Variants in KLHL29 observed in about 807,000 individuals in gnomAD.
KLHL29 encodes the protein kelch like family member 29.
In KLHL29, 21 loss-of-function variants were observed where a neutral mutation model predicts 80.4. That is an observed-to-expected ratio of 0.26 (90% CI 0.19 to 0.38). KLHL29 has a LOEUF of 0.38. KLHL29 is among the 10% of genes least tolerant of loss of function. The pLI is 1.00. For synonymous variants in KLHL29, 511 were observed against 526.8 expected (o/e 0.97, Z 0.41); for missense variants, 867 against 1,223.9 (o/e 0.71, Z 4.35).
intron 1 of KLHL29, among the ~76,000 whole-genome samples, chr2:23,417,315 G>T (rs1667000368): frequency 6.6e-6 from 1 of 152,210 alleles, no homozygotes; most frequent in Non-Finnish European, 1.5e-5. Flanking sequence ...ATGGCTTAGA[G>T]ATCTCATTTG....
chr2:23,452,711 G>T (rs191064633), intron 1 of KLHL29, among the ~76,000 whole-genome samples: 4 of 152,148 alleles, frequency 2.6e-5, no homozygotes, highest in African/African-American at 9.7e-5. Context: ...ATACAGCAGT[G>T]CATTTACATT....
At chr2:23,683,849 T>C (rs1237818857) in intron 5 of KLHL29, among the ~76,000 whole-genome samples, 1 of 152,072 alleles carries the variant, frequency 6.6e-6, no homozygotes. Flanking sequence ...AGGCCTCCCA[T>C]GGCCCCCTCC....
chr2:23,592,712 G>A (rs1668299134), intron 3 of KLHL29, among the ~76,000 whole-genome samples: 1 of 152,202 alleles, frequency 6.6e-6, no homozygotes, highest in African/African-American at 2.4e-5. Flanking sequence ...AGAACCAAGA[G>A]CTTGCAATGA....
At chr2:23,574,260 C>T (rs959568372) in intron 3 of KLHL29, among the ~76,000 whole-genome samples, 2 of 152,108 alleles carry the variant, frequency 1.3e-5, no homozygotes, top group Non-Finnish European at 2.9e-5. Flanking sequence ...GAAGGAGAGA[C>T]CCTATTTGAG....
intron 12 of KLHL29, 140 bp from the exon 13 acceptor site, chr2:23,703,578 GC>G: frequency 8.6e-7 from 1 of 1,167,544 alleles, no homozygotes; most frequent in Non-Finnish European, 1.2e-6. Context: ...GTTCCCCTAG[GC>G]CCCGGACCCA....
At chr2:23,428,053 G>A (rs1376990922) in intron 1 of KLHL29, among the ~76,000 whole-genome samples, 1 of 152,190 alleles carries the variant, frequency 6.6e-6, no homozygotes, top group East Asian at 1.9e-4. Context: ...TTTCTTGATT[G>A]GTGTCGAAAT....
chr2:23,656,540 G>A (rs528474363), intron 5 of KLHL29, among the ~76,000 whole-genome samples: 61 of 152,356 alleles, frequency 4.0e-4, no homozygotes, highest in Middle Eastern at 3.4e-3. Context: ...TTATCTGCAA[G>A]GCCCCTTAGG....
At chr2:23,550,824 A>T (rs1200458062) in intron 2 of KLHL29, among the ~76,000 whole-genome samples, 1 of 152,230 alleles carries the variant, frequency 6.6e-6, no homozygotes, top group Non-Finnish European at 1.5e-5. Context: ...CCACTGATGA[A>T]CACCATTTCC....
intron 1 of KLHL29, among the ~76,000 whole-genome samples, chr2:23,416,016 A>G (rs1364035255): frequency 2.0e-5 from 3 of 152,140 alleles, no homozygotes; most frequent in Non-Finnish European, 2.9e-5. Flanking sequence ...TGATCAAAAC[A>G]ACTTTCTAGA....
chr2:23,490,205 C>A (rs1015909427), intron 2 of KLHL29, among the ~76,000 whole-genome samples: 3 of 152,128 alleles, frequency 2.0e-5, no homozygotes, highest in African/African-American at 7.2e-5. Context: ...GAACAAAAAA[C>A]CCCCACTTGT....
At chr2:23,633,505 T>C (rs1669522355) in intron 3 of KLHL29, among the ~76,000 whole-genome samples, 1 of 152,194 alleles carries the variant, frequency 6.6e-6, no homozygotes, top group African/African-American at 2.4e-5. Flanking sequence ...TTTTTCTTTT[T>C]TAGTGGCTGT....
At chr2:23,674,362 AG>A (rs1670865593) in intron 5 of KLHL29, among the ~76,000 whole-genome samples, 1 of 152,144 alleles carries the variant, frequency 6.6e-6, no homozygotes, top group South Asian at 2.1e-4. Context: ...CCTCTGAAGG[AG>A]GATGTCAGGG....
At chr2:23,610,392 G>A (rs1331965060) in intron 3 of KLHL29, among the ~76,000 whole-genome samples, 3 of 152,220 alleles carry the variant, frequency 2.0e-5, no homozygotes, top group Non-Finnish European at 2.9e-5. Context: ...TCTTTGAGAA[G>A]TTTCATGGAC....
At position 23,396,922 on chromosome 2, in the gene KLHL29, A is replaced by C. The variant is rs372693502; in HGVS notation, c.-154+11142A>C. Among the ~76,000 whole-genome samples, 220 of 152,296 alleles carry C rather than the reference A, an allele frequency of 1.4e-3. 5 individuals are homozygous for C. The South Asian group carries it at 0.026, about 18-fold the overall frequency. On this transcript the variant is annotated intron_variant, in intron 1 of 13. Coordinates refer to ENST00000486442, the MANE Select transcript of KLHL29 (RefSeq NM_052920.2). ...AAGAGGAGAAAAATGATTTTCATGGAAAGCGTGTTTCAGGGAAGTCGCTTT... is the reference window on the plus strand; with the variant it reads ...AAGAGGAGAAAAATGATTTTCATGGCAAGCGTGTTTCAGGGAAGTCGCTTT...
At chr2:23,599,941 A>G (rs539126203) in intron 3 of KLHL29, among the ~76,000 whole-genome samples, 2 of 152,322 alleles carry the variant, frequency 1.3e-5, no homozygotes, top group African/African-American at 4.8e-5. Flanking sequence ...TGTACCCCAA[A>G]GGCCCAAGCC....
intron 4 of KLHL29, among the ~76,000 whole-genome samples, chr2:23,640,936 G>T (rs538877432): frequency 3.7e-4 from 56 of 152,222 alleles, no homozygotes; most frequent in African/African-American, 1.3e-3. Flanking sequence ...CCACCTCGGC[G>T]CCATTTTCTT....
intron 3 of KLHL29, among the ~76,000 whole-genome samples, chr2:23,567,536 T>C (rs1214708831): frequency 6.6e-6 from 1 of 152,242 alleles, no homozygotes; most frequent in Non-Finnish European, 1.5e-5. Flanking sequence ...TGTGTCATCA[T>C]AGAGACAACG....
intron 3 of KLHL29, among the ~76,000 whole-genome samples, chr2:23,616,089 G>A (rs1668996590): frequency 6.6e-6 from 1 of 152,252 alleles, no homozygotes; most frequent in South Asian, 2.1e-4. Flanking sequence ...CCTGGAGGGT[G>A]GACCTCTCTG....
At chr2:23,400,919 A>C (rs140609445) in intron 1 of KLHL29, among the ~76,000 whole-genome samples, 2 of 152,216 alleles carry the variant, frequency 1.3e-5, no homozygotes, top group Non-Finnish European at 2.9e-5. Context: ...ACATGATGCA[A>C]TCATAGGCAA....
Sources: gnomAD v4.1 joint callset for allele counts (sites outside exome capture counted in the v4.1 genomes callset) on GRCh38, gnomAD v4.1.1 for gene constraint, MANE v1.5 for transcripts, NCBI Gene and HGNC (gene_info 2026-07-23, HGNC 2026-07-21) for gene names.